KCNH8: variants seen among roughly 807,000 people sequenced by gnomAD.
KCNH8 encodes the protein potassium voltage-gated channel subfamily H member 8.
In KCNH8, 70 loss-of-function variants were observed where a neutral mutation model predicts 103.6. The ratio of observed to expected loss-of-function variants is 0.68; its 90% CI spans 0.56 to 0.82. The LOEUF (loss-of-function observed/expected upper bound fraction) is 0.82. KCNH8 is among the 40% of genes least tolerant of loss of function. The pLI is 0.00. For synonymous variants in KCNH8, 498 were observed against 489.4 expected (o/e 1.02, Z -0.23); for missense variants, 1,217 against 1,329.9 (o/e 0.92, Z 1.32).
At chr3:19,168,946 G>T (rs1488913631) in intron 1 of KCNH8, among the ~76,000 whole-genome samples, 1 of 152,082 alleles carries the variant, frequency 6.6e-6, no homozygotes, top group Non-Finnish European at 1.5e-5. Flanking sequence ...TACCTCTCCT[G>T]ACTTTCCTCC....
chr3:19,471,039 G>A (rs2067845273), intron 11 of KCNH8, among the ~76,000 whole-genome samples: 2 of 152,118 alleles, frequency 1.3e-5, no homozygotes, highest in South Asian at 4.1e-4. Context: ...ACTTACGTTT[G>A]CAAGTTGAAC....
intron 11 of KCNH8, among the ~76,000 whole-genome samples, chr3:19,501,940 G>T (rs60644249): frequency 4.0e-5 from 6 of 151,678 alleles, no homozygotes; most frequent in South Asian, 2.1e-4. Flanking sequence ...ATTAGGAGAA[G>T]GAAATAAAGG....
intron 8 of KCNH8, among the ~76,000 whole-genome samples, chr3:19,440,505 A>G (rs547575845): frequency 6.6e-5 from 10 of 152,302 alleles, no homozygotes; most frequent in African/African-American, 2.2e-4. Flanking sequence ...GCAAGAGAGC[A>G]CGTGCAGGGG....
intron 7 of KCNH8, among the ~76,000 whole-genome samples, chr3:19,413,539 AAAAT>A (rs2066815684): frequency 6.6e-6 from 1 of 152,092 alleles, no homozygotes; most frequent in African/African-American, 2.4e-5. Flanking sequence ...TCCTGAATCT[AAAAT>A]AAAAGTTGAA....
At chr3:19,176,073 CTGT>C (rs2063396999) in intron 1 of KCNH8, among the ~76,000 whole-genome samples, 1 of 152,016 alleles carries the variant, frequency 6.6e-6, no homozygotes, top group Non-Finnish European at 1.5e-5. Flanking sequence ...GACTTGTTTC[CTGT>C]TGTTAGAATT....
At chr3:19,483,152 C>T (rs1298762509) in intron 11 of KCNH8, among the ~76,000 whole-genome samples, 1 of 152,124 alleles carries the variant, frequency 6.6e-6, no homozygotes, top group Admixed American at 6.5e-5. Context: ...TTAAGAGTGC[C>T]AATAACACAA....
chr3:19,246,330 G>A (rs2064206253), intron 1 of KCNH8, among the ~76,000 whole-genome samples: 1 of 135,568 alleles, frequency 7.4e-6, no homozygotes, highest in Non-Finnish European at 1.5e-5. Context: ...AGGCTGGAGT[G>A]CAGTGGTGCG....
Position 19,301,772 on chromosome 3 carries a change from A to C in KCNH8, c.442+20443A>C, listed in dbSNP as rs371406753. On this transcript the variant is annotated intron_variant, in intron 3 of 15. Transcript: ENST00000328405. ...TCTCAGGTTACACACCCTTCTGTCCAACTTGGCTAGAAATGGAGTTACTAC... is the reference window on the plus strand; with the variant it reads ...TCTCAGGTTACACACCCTTCTGTCCCACTTGGCTAGAAATGGAGTTACTAC... Among the ~76,000 whole-genome samples, 13 of 152,318 alleles carry C rather than the reference A, an allele frequency of 8.5e-5. 1 individual carries two copies. The highest frequency in any genetic ancestry group is 4.6e-4 in the Admixed American group (7 of 15,292).
chr3:19,451,519 A>T (rs2067447727), intron 10 of KCNH8, 115 bp downstream of exon 10: 1 of 883,480 alleles, frequency 1.1e-6, no homozygotes, highest in Non-Finnish European at 1.8e-6. Flanking sequence ...GAAGACATGA[A>T]CTCAGGAGTA....
At chr3:19,239,648 A>G (rs1219202526) in intron 1 of KCNH8, among the ~76,000 whole-genome samples, 3 of 145,530 alleles carry the variant, frequency 2.1e-5, no homozygotes, top group South Asian at 2.2e-4. Context: ...CTATCTATCT[A>G]TCTATCTATC....
At chr3:19,227,265 G>A (rs574207144) in intron 1 of KCNH8, among the ~76,000 whole-genome samples, 1 of 152,160 alleles carries the variant, frequency 6.6e-6, no homozygotes, top group African/African-American at 2.4e-5. Flanking sequence ...TCCACCTGGG[G>A]CCAAGTTGCT....
intron 11 of KCNH8, among the ~76,000 whole-genome samples, chr3:19,475,942 C>T (rs528724564): frequency 2.5e-4 from 38 of 152,242 alleles, no homozygotes; most frequent in Non-Finnish European, 2.9e-5. Context: ...TGATGCTCCA[C>T]GCACCAATTT....
chr3:19,190,394 G>GTCAAGGCC (rs538126974), intron 1 of KCNH8, among the ~76,000 whole-genome samples: 109 of 152,038 alleles, frequency 7.2e-4, no homozygotes, highest in African/African-American at 2.3e-3. Flanking sequence ...TTCTTGGCTA[G>GTCAAGGCC]TCAAGGCCAC....
chr3:19,522,781 G>A lies in KCNH8; in HGVS notation c.2619+4707G>A, dbSNP rs575272711. Among the ~76,000 whole-genome samples the A allele has an allele frequency of 1.7e-3, 253 of 151,808 alleles. 1 individual carries two copies. Among genetic ancestry groups the A allele is most frequent in the African/African-American group, 5.1e-3 (213 of 41,452 alleles). ...GGGAATAATTATTTTCCCCTTTAGC[G>A]ATATAATAATTCTTCTTAGGCTCTG... is the stretch of plus-strand genomic sequence containing the variant. On this transcript the variant is annotated intron_variant, in intron 15 of 15. Coordinates refer to ENST00000328405, the MANE Select transcript of KCNH8 (RefSeq NM_144633.3).
At chr3:19,231,440 C>T (rs952048748) in intron 1 of KCNH8, among the ~76,000 whole-genome samples, 2 of 151,972 alleles carry the variant, frequency 1.3e-5, no homozygotes, top group African/African-American at 4.8e-5. Context: ...TGGAATTATA[C>T]TTTTTTTACA....
At chr3:19,151,771 G>C (rs945227245) in intron 1 of KCNH8, among the ~76,000 whole-genome samples, 1 of 151,808 alleles carries the variant, frequency 6.6e-6, no homozygotes, top group Admixed American at 6.6e-5. Context: ...AGTGAGGTCT[G>C]TCAGGATTGA....
intron 1 of KCNH8, among the ~76,000 whole-genome samples, chr3:19,173,220 T>G (rs1270961703): frequency 6.6e-6 from 1 of 152,108 alleles, no homozygotes; most frequent in Non-Finnish European, 1.5e-5. Context: ...GCAACCTGGT[T>G]AGCAAATCAG....
intron 3 of KCNH8, among the ~76,000 whole-genome samples, chr3:19,334,371 A>AT (rs1300563735): frequency 6.6e-6 from 1 of 152,178 alleles, no homozygotes; most frequent in Non-Finnish European, 1.5e-5. Flanking sequence ...GGTCGAGGCT[A>AT]TAGCTTGCGA....
chr3:19,330,504 A>T (rs2065491094), intron 3 of KCNH8, among the ~76,000 whole-genome samples: 1 of 152,174 alleles, frequency 6.6e-6, no homozygotes, highest in Non-Finnish European at 1.5e-5. Flanking sequence ...CTGTTGTGGG[A>T]GTCATATTTA....
Sources: gnomAD v4.1 joint callset for allele counts (sites outside exome capture counted in the v4.1 genomes callset) on GRCh38, gnomAD v4.1.1 for gene constraint, MANE v1.5 for transcripts, NCBI Gene and HGNC (gene_info 2026-07-23, HGNC 2026-07-21) for gene names.